TRPM3: variants seen among roughly 807,000 people sequenced by gnomAD.
TRPM3 encodes long transient receptor potential channel 3.
Under a neutral mutation model 181.2 loss-of-function variants are expected in TRPM3, and 77 were observed. The ratio of observed to expected loss-of-function variants is 0.42; its 90% CI spans 0.35 to 0.51. TRPM3 has a LOEUF of 0.51. TRPM3 is among the 20% of genes least tolerant of loss of function. The pLI is 0.01. For synonymous variants in TRPM3, 745 were observed against 796.4 expected (o/e 0.94, Z 1.09); for missense variants, 1,759 against 2,196.7 (o/e 0.80, Z 3.98).
chr9:70,831,416 G>A (rs1488527385), intron 5 of TRPM3, among the ~76,000 whole-genome samples: 1 of 147,016 alleles, frequency 6.8e-6, no homozygotes, highest in South Asian at 2.1e-4. Context: ...GGAATTGTGT[G>A]TGTGTGTGGT....
chr9:70,981,096 T>C (rs2097359506), intron 1 of TRPM3, among the ~76,000 whole-genome samples: 1 of 152,192 alleles, frequency 6.6e-6, no homozygotes, highest in South Asian at 2.1e-4. Flanking sequence ...TTTGATTCAT[T>C]TATAGCCTGT....
intron 1 of TRPM3, among the ~76,000 whole-genome samples, chr9:71,440,147 C>T (rs1256845464): frequency 6.6e-6 from 1 of 151,898 alleles, no homozygotes; most frequent in African/African-American, 2.4e-5. Flanking sequence ...TAAATAAATA[C>T]TTTTCTTTAT....
At chr9:70,825,461 G>A (rs2093494080) in intron 6 of TRPM3, 1 of 152,198 alleles carries the variant, frequency 6.6e-6, no homozygotes. Flanking sequence ...CCCCTCCTTT[G>A]TACTCTAGAC....
intron 1 of TRPM3, among the ~76,000 whole-genome samples, chr9:71,060,610 C>T (rs1166308208): frequency 1.3e-5 from 2 of 152,144 alleles, no homozygotes; most frequent in Admixed American, 1.3e-4. Context: ...TTCAAAATCA[C>T]AAGCATGGGC....
intron 1 of TRPM3, among the ~76,000 whole-genome samples, chr9:71,338,276 C>T (rs2090711640): frequency 6.6e-6 from 1 of 152,110 alleles, no homozygotes; most frequent in Admixed American, 6.6e-5. Context: ...CCAACAAAAC[C>T]TAAAACCAAG....
rs74413282 is a variant in TRPM3 at position 70,615,164 on chromosome 9, C to G, written c.2526+744G>C. The stretch of plus-strand genomic sequence containing the variant: ...ACCCCTTATAGCTTCTGGGTCACTA[C>G]AGCAATGGTCATTGGTGGGGGTGGT... On this transcript the variant is annotated intron_variant, in intron 18 of 25. Coordinates refer to ENST00000677713, the MANE Select transcript of TRPM3 (RefSeq NM_001366145.2). 3.9e-5 allele frequency among the ~76,000 whole-genome samples: 6 copies of G among 152,318 alleles called. No individual in the cohort carries two copies. The East Asian group carries it at 1.2e-3, about 29-fold the overall frequency.
intron 11 of TRPM3, among the ~76,000 whole-genome samples, chr9:70,638,137 C>A (rs931408400): frequency 1.3e-5 from 2 of 152,112 alleles, no homozygotes; most frequent in African/African-American, 4.8e-5. Flanking sequence ...AGGCCTTTTG[C>A]CCTCTGTCTC....
chr9:70,609,444 CT>C lies in TRPM3; in HGVS notation c.2667+1164del, dbSNP rs774990774. 1.1e-4 allele frequency among the ~76,000 whole-genome samples: 16 copies of C among 152,252 alleles called. No homozygotes were observed. In the South Asian group the frequency reaches 1.5e-3, roughly 14 times the overall value. The stretch of plus-strand genomic sequence containing the variant: ...TATTTACATTTCGATAATATCCTAT[CT>C]TTTCTCAAGACCACACTTTAAAGTG... On this transcript the variant is annotated intron_variant, in intron 19 of 25. Transcript: ENST00000677713.
chr9:71,038,663 A>G (rs2058485354), intron 1 of TRPM3, among the ~76,000 whole-genome samples: 2 of 152,104 alleles, frequency 1.3e-5, no homozygotes, highest in Non-Finnish European at 2.9e-5. Flanking sequence ...ATTATGTGTC[A>G]GGCACAGTGT....
chr9:70,899,402 C>T (rs1349908923), intron 1 of TRPM3, among the ~76,000 whole-genome samples: 1 of 152,156 alleles, frequency 6.6e-6, no homozygotes, highest in Non-Finnish European at 1.5e-5. Context: ...TTATGGCATT[C>T]TGAACCCTTT....
chr9:71,139,877 G>A (rs1465596558), intron 1 of TRPM3, among the ~76,000 whole-genome samples: 2 of 152,178 alleles, frequency 1.3e-5, no homozygotes, highest in East Asian at 3.9e-4. Flanking sequence ...ATACAGTCTG[G>A]TCAATCAGGG....
chr9:71,384,134 C>T (rs1472631909), intron 1 of TRPM3, among the ~76,000 whole-genome samples: 1 of 152,134 alleles, frequency 6.6e-6, no homozygotes, highest in African/African-American at 2.4e-5. Context: ...TGTTCATATA[C>T]ATCAGAAAAC....
At chr9:71,092,893 C>T (rs956821731) in intron 1 of TRPM3, among the ~76,000 whole-genome samples, 2 of 152,062 alleles carry the variant, frequency 1.3e-5, no homozygotes, top group African/African-American at 4.8e-5. Context: ...GGTACCAAAA[C>T]AGATATATAG....
intron 5 of TRPM3, 85 bp downstream of exon 5, chr9:70,842,918 G>A: frequency 1.5e-6 from 2 of 1,376,848 alleles, no homozygotes; most frequent in Non-Finnish European, 2.0e-6. Flanking sequence ...ACTATAATGT[G>A]CACATTTTGA....
chr9:70,794,221 T>C (rs2086415197), intron 6 of TRPM3, among the ~76,000 whole-genome samples: 1 of 152,140 alleles, frequency 6.6e-6, no homozygotes, highest in African/African-American at 2.4e-5. Flanking sequence ...GAAGACTGTT[T>C]ACTATATGGG....
At chr9:71,032,006 TA>T (rs1391161390) in intron 1 of TRPM3, among the ~76,000 whole-genome samples, 39 of 524 alleles carry the variant, frequency 0.074, no homozygotes, top group South Asian at 0.5. Context: ...TATAATTATA[TA>T]ATATATAATA....
intron 1 of TRPM3, among the ~76,000 whole-genome samples, chr9:71,213,730 C>T (rs1565348305): frequency 6.6e-6 from 1 of 152,098 alleles, no homozygotes; most frequent in Non-Finnish European, 1.5e-5. Context: ...CAGATTGTTA[C>T]AAAGATCCCA....
chr9:70,777,030 T>TTTG (rs34245363), intron 7 of TRPM3, among the ~76,000 whole-genome samples: 8,249 of 151,996 alleles, frequency 0.054, 254 homozygotes, highest in South Asian at 0.11. Context: ...TATTTGGATT[T>TTTG]TTGTTGTTGT....
chr9:70,649,398 G>A lies in TRPM3; in HGVS notation c.1346-8738C>T, dbSNP rs116761110. On this transcript the variant is annotated intron_variant, in intron 9 of 25. Transcript: ENST00000677713. ...GAGACAGTGTTTTGCCATGTTGGCC[G>A]AGTTGGTCTCGAACTCCTGACCTCA... 8.9e-3 allele frequency among the ~76,000 whole-genome samples: 1,353 copies of A among 152,094 alleles called. 19 individuals carry two copies. Among genetic ancestry groups the A allele is most frequent in the African/African-American group, 0.031 (1,277 of 41,496 alleles).
Sources: allele counts gnomAD v4.1 joint callset (sites outside exome capture counted in the v4.1 genomes callset), GRCh38; gene constraint gnomAD v4.1.1; transcripts MANE v1.5; gene names NCBI Gene and HGNC (gene_info 2026-07-23, HGNC 2026-07-21).